CACHD1: variants seen among roughly 807,000 people sequenced by gnomAD.
CACHD1 encodes the protein cache domain containing 1, also known as VWFA and cache domain-containing protein 1.
Under a neutral mutation model 138.7 loss-of-function variants are expected in CACHD1, and 71 were observed. The observed-to-expected ratio is 0.51, with a 90% CI of 0.42 to 0.62. The LOEUF (loss-of-function observed/expected upper bound fraction) is 0.62, where lower values mean the gene tolerates loss of function less well. Ranked by LOEUF, CACHD1 falls within the 20% of genes least tolerant of loss-of-function variation. CACHD1 has a pLI of 0.00. For missense variants in CACHD1, 1,389 were observed against 1,625.3 expected, an observed-to-expected ratio of 0.85 and a Z score of 2.50; for synonymous variants, 578 against 591.5, an observed-to-expected ratio of 0.98 and a Z score of 0.33.
chr1:64,534,789 G>C (rs1285328313), intron 1 of CACHD1, among the ~76,000 whole-genome samples: 2 of 152,250 alleles, frequency 1.3e-5, no homozygotes, highest in African/African-American at 2.4e-5. Flanking sequence ...CCTAAGGAAG[G>C]CTGAAGCTAG....
chr1:64,603,097 ATCTTTTTT>A (rs1647243913), intron 4 of CACHD1, among the ~76,000 whole-genome samples, 185 bp downstream of exon 4: 1 of 134,844 alleles, frequency 7.4e-6, no homozygotes, highest in Non-Finnish European at 1.6e-5. Context: ...TCAAGCTTAC[ATCTTTTTT>A]TTTTTTTTTT....
chr1:64,598,586 T>A (rs879157844), intron 3 of CACHD1, among the ~76,000 whole-genome samples: 1 of 152,172 alleles, frequency 6.6e-6, no homozygotes, highest in South Asian at 2.1e-4. Context: ...TACAGTCCCA[T>A]TGGGGGAAGC....
intron 7 of CACHD1, among the ~76,000 whole-genome samples, chr1:64,639,523 A>G (rs1027017878): frequency 5.9e-5 from 9 of 152,370 alleles, no homozygotes; most frequent in Middle Eastern, 3.4e-3. Flanking sequence ...ATGTTCAGGT[A>G]TCAAAATTGG....
chr1:64,545,374 T>C (rs192836456), intron 1 of CACHD1, among the ~76,000 whole-genome samples: 30 of 152,320 alleles, frequency 2.0e-4, no homozygotes, highest in African/African-American at 5.5e-4. Context: ...ATTCTATTCA[T>C]TCTCCCACAA....
intron 2 of CACHD1, among the ~76,000 whole-genome samples, chr1:64,563,095 A>G (rs1393003139): frequency 6.6e-6 from 1 of 152,134 alleles, no homozygotes. Flanking sequence ...CTTTAGATAG[A>G]GTTTGCCCTG....
chr1:64,610,408 G>A (rs965054868), intron 4 of CACHD1, among the ~76,000 whole-genome samples: 1 of 152,178 alleles, frequency 6.6e-6, no homozygotes, highest in African/African-American at 2.4e-5. Flanking sequence ...AAAATCAAAA[G>A]CAAGTTAGTT....
At chr1:64,497,251 C>A (rs1646311392) in intron 1 of CACHD1, among the ~76,000 whole-genome samples, 1 of 152,158 alleles carries the variant, frequency 6.6e-6, no homozygotes, top group African/African-American at 2.4e-5. Flanking sequence ...CTTTGATTAT[C>A]CAGTCACTCG....
At chr1:64,681,552 T>TTTTTTTTG (rs1650189492) in intron 25 of CACHD1, among the ~76,000 whole-genome samples, 1 of 94,656 alleles carries the variant, frequency 1.1e-5, no homozygotes, top group African/African-American at 3.9e-5. Flanking sequence ...TTTTTTTTTT[T>TTTTTTTTG]TTTTTTTTTT....
At chr1:64,596,413 A>G (rs1647152219) in intron 3 of CACHD1, among the ~76,000 whole-genome samples, 1 of 152,226 alleles carries the variant, frequency 6.6e-6, no homozygotes, top group Non-Finnish European at 1.5e-5. Flanking sequence ...TCTCCGTGTC[A>G]TATCACAGTA....
intron 1 of CACHD1, among the ~76,000 whole-genome samples, chr1:64,509,516 A>G (rs1181152881): frequency 6.6e-6 from 1 of 152,226 alleles, no homozygotes; most frequent in African/African-American, 2.4e-5. Flanking sequence ...GCTTAAAAAA[A>G]TGGTAGGAAG....
chr1:64,592,429 A>G (rs998192004), intron 3 of CACHD1, among the ~76,000 whole-genome samples: 28 of 152,214 alleles, frequency 1.8e-4, no homozygotes, highest in African/African-American at 6.5e-4. Context: ...GGCAAATGTC[A>G]TAAAAGAAAT....
chr1:64,678,066 T>C, intron 22 of CACHD1, 93 bp from the exon 23 acceptor site: 1 of 1,307,208 alleles, frequency 7.6e-7, no homozygotes, highest in East Asian at 2.6e-5. Context: ...TAGTAAGTAA[T>C]GGAGATCCTG....
intron 2 of CACHD1, among the ~76,000 whole-genome samples, chr1:64,551,456 G>A (rs1166069367): frequency 6.6e-6 from 1 of 152,096 alleles, no homozygotes; most frequent in Non-Finnish European, 1.5e-5. Flanking sequence ...TACAGTATGT[G>A]ACCATCAACA....
At position 64,663,727 on chromosome 1, in the gene CACHD1, T is replaced by C; in HGVS notation, c.1984T>C (p.Phe662Leu). ...CACCATCATGCTGTCTGCTGGCAGCTTTTCCTCCCCCTATGAGCACCTCAG... is the reference window on the plus strand; with the variant it reads ...CACCATCATGCTGTCTGCTGGCAGCCTTTCCTCCCCCTATGAGCACCTCAG... ...SPTIMLSAGS[F>L]SSPYEHLSQP... is the part of the protein sequence containing the mutation. The change falls in exon 14 of 27, where the codon TTT (phenylalanine) becomes CTT (leucine). Residue 662 changes from phenylalanine (F) to leucine (L), a missense_variant. Phe to Leu is a conservative substitution (Grantham distance 22, BLOSUM62 0). This residue lies in a region of CACHD1 where 1,000 missense variants were observed against 1,114.7 expected (regional missense o/e 0.90). Coordinates refer to ENST00000651257, the MANE Select transcript of CACHD1 (RefSeq NM_020925.4). The C allele has an allele frequency of 6.2e-7, 1 of 1,614,006 alleles. No homozygotes were observed. The highest frequency in any genetic ancestry group is 8.5e-7 in the Non-Finnish European group (1 of 1,179,976).
At chr1:64,612,618 CA>C (rs1423799202) in intron 4 of CACHD1, among the ~76,000 whole-genome samples, 1 of 152,042 alleles carries the variant, frequency 6.6e-6, no homozygotes, top group Admixed American at 6.6e-5. Context: ...TCCCTCTTTT[CA>C]AAAAACCTGG....
intron 10 of CACHD1, among the ~76,000 whole-genome samples, chr1:64,652,863 T>C (rs1432069710): frequency 6.6e-6 from 1 of 152,156 alleles, no homozygotes; most frequent in Non-Finnish European, 1.5e-5. Flanking sequence ...AAAACAGAAC[T>C]ACCATTTGAC....
intron 1 of CACHD1, among the ~76,000 whole-genome samples, chr1:64,533,631 T>A (rs1199062283): frequency 6.6e-6 from 1 of 152,198 alleles, no homozygotes; most frequent in Non-Finnish European, 1.5e-5. Context: ...GTGCCATTTA[T>A]GAACTAATTT....
intron 17 of CACHD1, 89 bp from the exon 18 acceptor site, chr1:64,673,069 A>G: frequency 9.3e-7 from 1 of 1,076,240 alleles, no homozygotes; most frequent in East Asian, 2.4e-5. Flanking sequence ...AGTTTGTTTC[A>G]GGGCTAGCAA....
chr1:64,629,734 A>G (rs1648236783), intron 5 of CACHD1, among the ~76,000 whole-genome samples: 2 of 152,144 alleles, frequency 1.3e-5, no homozygotes, highest in South Asian at 4.2e-4. Flanking sequence ...CGTGAAGTCA[A>G]ATTGTGTGAA....
Sources: gnomAD v4.1 joint callset for allele counts (sites outside exome capture counted in the v4.1 genomes callset) on GRCh38, gnomAD v4.1.1 for gene constraint, gnomAD v4.1.1 regional missense constraint, MANE v1.5 for transcripts, NCBI Gene and HGNC (gene_info 2026-07-23, HGNC 2026-07-21) for gene names.